Variants in FREM1 observed in about 807,000 individuals in gnomAD.
FREM1 encodes the protein FRAS1 related extracellular matrix 1.
FREM1 carries 220 observed loss-of-function variants against 210.1 expected under a neutral mutation model. The ratio of observed to expected loss-of-function variants is 1.05; its 90% CI spans 0.94 to 1.17. The LOEUF (loss-of-function observed/expected upper bound fraction) is 1.17. FREM1 is among the 50% of genes most tolerant of loss of function. The pLI is 0.00. For missense variants in FREM1, 3,454 were observed against 2,675.5 expected (o/e 1.29, Z -6.42); for synonymous variants, 1,189 against 980.2 (o/e 1.21, Z -3.98).
At chr9:14,872,044 A>C (rs986965059) in intron 1 of FREM1, among the ~76,000 whole-genome samples, 1 of 152,188 alleles carries the variant, frequency 6.6e-6, no homozygotes, top group African/African-American at 2.4e-5. Flanking sequence ...TTTTGGTACC[A>C]GTACCATGCT....
intron 29 of FREM1, among the ~76,000 whole-genome samples, chr9:14,754,761 G>A (rs1026639275): frequency 6.2e-4 from 94 of 151,980 alleles, no homozygotes; most frequent in African/African-American, 2.2e-3. Context: ...GTGAAACCCC[G>A]TCTCTACTAA....
chr9:14,889,385 A>C (rs577566767), intron 1 of FREM1, among the ~76,000 whole-genome samples: 2 of 152,162 alleles, frequency 1.3e-5, no homozygotes, highest in Non-Finnish European at 2.9e-5. Context: ...GTTTATGTGG[A>C]AGGTTTAGTT....
At position 14,857,776 on chromosome 9, in the gene FREM1, G is replaced by T. The variant is rs369939553; in HGVS notation, c.632-27C>A. 1.2e-5 allele frequency: 18 copies of T among 1,515,176 alleles called. No homozygotes were observed. The East Asian group carries it at 3.8e-4, about 32-fold the overall frequency. The allele number at this position is 1,515,176 out of a possible 1,614,324, so 93.9% of individuals were successfully genotyped here. A position where few individuals can be genotyped will look rare whatever the true frequency, so the allele number is the denominator to read the frequency against. The stretch of plus-strand genomic sequence containing the variant: ...TAGAATGTACAGCACTGGATTAAGA[G>T]AGTCACTTAAACATAACAATTGTAA... On this transcript the variant is annotated intron_variant, in intron 4 of 36. Coordinates refer to ENST00000380880, the MANE Select transcript of FREM1 (RefSeq NM_001379081.2).
Position 14,869,053 on chromosome 9 carries a change from G to C in FREM1, c.-76C>G. 1 of 1,029,150 alleles carries C rather than the reference G, an allele frequency of 9.7e-7. No homozygotes were observed. Among genetic ancestry groups the C allele is most frequent in the Non-Finnish European group, 1.4e-6 (1 of 716,002 alleles). The allele number at this position is 1,029,150 out of a possible 1,614,324, so 63.8% of individuals were successfully genotyped here. On this transcript the variant is annotated 5_prime_UTR_variant, in exon 2 of 37. Transcript: ENST00000380880. ...AGGAGGGCTTCTGTGCTTCCTCCTG[G>C]AGGGTCAGCTCATAGTCCAAGGGGC...
chr9:14,879,419 G>C (rs561117924), intron 1 of FREM1, among the ~76,000 whole-genome samples: 1 of 144,870 alleles, frequency 6.9e-6, no homozygotes, highest in South Asian at 2.1e-4. Context: ...AACACCGAAA[G>C]AAGAAGTGAG....
intron 1 of FREM1, among the ~76,000 whole-genome samples, chr9:14,887,717 T>A (rs1836061710): frequency 1.3e-5 from 2 of 152,220 alleles, no homozygotes; most frequent in Admixed American, 1.3e-4. Flanking sequence ...GTGCTTTCAC[T>A]TACTATACAG....
chr9:14,807,790 T>C, intron 17 of FREM1, 150 bp downstream of exon 17: 1 of 618,452 alleles, frequency 1.6e-6, no homozygotes. Context: ...ATTTGGGTTT[T>C]CCACAAAATT....
rs531528040 is a variant in FREM1, at chr9:14,875,577, T to C, written c.-267-6333A>G. Among the ~76,000 whole-genome samples, 18 of 152,362 alleles carry C rather than the reference T, an allele frequency of 1.2e-4. No homozygotes were observed. In the East Asian group the frequency reaches 3.3e-3, roughly 28 times the overall value. ...TGGTTATTCTAGTTACACATTCGTC[T>C]AAATTTTTTTTAAAGTTTTTAACTT... On this transcript the variant is annotated intron_variant, in intron 1 of 36. Transcript: ENST00000380880.
chr9:14,895,082 G>A (rs1564190006), intron 1 of FREM1, among the ~76,000 whole-genome samples: 1 of 152,214 alleles, frequency 6.6e-6, no homozygotes, highest in South Asian at 2.1e-4. Flanking sequence ...GGGACCTCAG[G>A]AGGAGAGGAA....
At chr9:14,863,741 G>T in intron 3 of FREM1, 68 bp downstream of exon 3, 1 of 922,316 alleles carries the variant, frequency 1.1e-6, no homozygotes, top group Non-Finnish European at 1.8e-6. Context: ...ATATCCACAA[G>T]AAAAGCCCTC....
In FREM1 at chr9:14,841,690, C is replaced by T. The variant is rs1393855409; in HGVS notation, c.1739-101G>A. On this transcript the variant is annotated intron_variant, in intron 9 of 36. Transcript: ENST00000380880. Reference sequence around the variant, plus strand: ...CTTCAAAAGTCTTATCTGTCTAGTACATTCTATGTACCCAAGGAATCTGCA... The same window carrying T: ...CTTCAAAAGTCTTATCTGTCTAGTATATTCTATGTACCCAAGGAATCTGCA... 4 of 804,690 alleles carry T rather than the reference C, an allele frequency of 5.0e-6. No individual in the cohort carries two copies. The African/African-American group carries it at 5.2e-5, about 10-fold the overall frequency. 49.8% of individuals were successfully genotyped at this position (804,690 alleles called of 1,614,324 possible).
At position 14,770,681 on chromosome 9, in the gene FREM1, A is replaced by T. The variant is rs111333359; in HGVS notation, c.4983T>A (p.Pro1661=). 37 of 1,613,582 alleles carry T rather than the reference A, an allele frequency of 2.3e-5. No individual in the cohort carries two copies. In the African/African-American group the frequency reaches 3.6e-4, roughly 16 times the overall value. The stretch of plus-strand genomic sequence containing the variant: ...AGATGATCTGATCGTCCTCAGTGTC[A>T]GGGTCTGATGCCTTCAACACGCGGG... The part of the protein sequence containing the change: ...ITSRVLKASD[P]DTEDDQIIFK... Residue 1661 remains proline (P), a synonymous_variant, in exon 26 of 37, where the codon CCT becomes CCA. Transcript: ENST00000380880.
intron 27 of FREM1, 95 bp from the exon 28 acceptor site, chr9:14,759,996 C>T: frequency 1.1e-6 from 1 of 870,550 alleles, no homozygotes; most frequent in Non-Finnish European, 1.7e-6. Context: ...CGTGGTTGAT[C>T]AACCTACACC....
chr9:14,782,284 G>A (rs1494352), intron 24 of FREM1: 673,062 of 678,550 alleles, frequency 0.99, 334,065 homozygotes, highest in East Asian at 1. Flanking sequence ...GACTTTCTCT[G>A]GATGCAAATT....
chr9:14,769,600 T>C (rs1452862820), intron 27 of FREM1, 124 bp downstream of exon 27: 2 of 1,004,334 alleles, frequency 2.0e-6, no homozygotes, highest in Non-Finnish European at 2.9e-6. Flanking sequence ...TTCCATGAGC[T>C]TGTGAAATGG....
Position 14,784,512 on chromosome 9 carries a change from T to C in FREM1, c.4300A>G (p.Thr1434Ala), listed in dbSNP as rs1191318061. 3 of 1,613,180 alleles carry C rather than the reference T, an allele frequency of 1.9e-6. No homozygotes were observed. Among genetic ancestry groups the C allele is most frequent in the Non-Finnish European group, 2.5e-6 (3 of 1,179,768 alleles). Residue 1434 changes from threonine to alanine, a missense_variant, in exon 24 of 37, where the codon ACC becomes GCC. Physicochemically the swap from Thr to Ala is moderately conservative, Grantham distance 58. Coordinates refer to ENST00000380880, the MANE Select transcript of FREM1 (RefSeq NM_001379081.2). ...ATCTGGCCATATCGCGGAGGGGAGG[T>C]GATGACATAGAGCAGTTCCTCAGGC... is the stretch of plus-strand genomic sequence containing the variant. ...DKPEELLYVI[T>A]SPPRYGQIEY...
rs746022878 is a variant in FREM1 at position 14,842,527 on chromosome 9, T to C, written c.1527A>G (p.Lys509=). The C allele has an allele frequency of 6.2e-7, 1 of 1,613,952 alleles. No homozygotes were observed. Among genetic ancestry groups the C allele is most frequent in the South Asian group, 1.1e-5 (1 of 91,076 alleles). Residue 509 remains lysine (K), a synonymous_variant, in exon 9 of 37, where the codon AAA becomes AAG. Coordinates refer to ENST00000380880, the MANE Select transcript of FREM1 (RefSeq NM_001379081.2). The part of the protein sequence containing the change: ...IFDGHHSIRH[K]FPINVLPKDD... ...CTTTGGGCAAGACGTTGATGGGGAA[T>C]TTGTGACGGATGCTGTGATGGCCAT...
intron 10 of FREM1, 75 bp from the exon 11 acceptor site, chr9:14,825,067 G>C: frequency 1.0e-6 from 1 of 954,624 alleles, no homozygotes; most frequent in Middle Eastern, 2.2e-4. Context: ...CAATCACCTA[G>C]TCACAGTTAA....
rs143936388 is a variant in FREM1 at position 14,822,129 on chromosome 9, G to A, written c.2337+1031C>T. Among the ~76,000 whole-genome samples the A allele has an allele frequency of 1.8e-3, 275 of 152,298 alleles. 1 individual carries two copies. Among genetic ancestry groups the A allele is most frequent in the African/African-American group, 6.2e-3 (256 of 41,564 alleles). ...TCTTGCCTGCCACCATGTAAGACGT[G>A]ACTTTGCTCCTCATCCCCCTTCTGC... On this transcript the variant is annotated intron_variant, in intron 13 of 36. Coordinates refer to ENST00000380880, the MANE Select transcript of FREM1 (RefSeq NM_001379081.2).
Sources: allele counts gnomAD v4.1 joint callset (sites outside exome capture counted in the v4.1 genomes callset), GRCh38; gene constraint gnomAD v4.1.1; transcripts MANE v1.5; gene names NCBI Gene and HGNC (gene_info 2026-07-23, HGNC 2026-07-21).